CFAP91: variants seen among roughly 807,000 people sequenced by gnomAD.
The protein encoded by CFAP91 is cilia- and flagella-associated protein 91.
CFAP91 carries 85 observed loss-of-function variants against 95.9 expected under a neutral mutation model. The ratio of observed to expected loss-of-function variants is 0.89; its 90% CI spans 0.74 to 1.06. The LOEUF is 1.06. CFAP91 is among the 50% of genes least tolerant of loss of function. CFAP91 has a pLI of 0.00. For missense variants in CFAP91, 962 were observed against 943.4 expected, an observed-to-expected ratio of 1.02 and a Z score of -0.26; for synonymous variants, 335 against 327.5, an observed-to-expected ratio of 1.02 and a Z score of -0.25.
intron 8 of CFAP91, 92 bp downstream of exon 8, chr3:119,730,469 G>C: frequency 7.5e-7 from 1 of 1,341,086 alleles, no homozygotes; most frequent in South Asian, 1.4e-5. Flanking sequence ...ATATAATTCT[G>C]TTTTGGTCCT....
intron 17 of CFAP91, among the ~76,000 whole-genome samples, chr3:119,759,621 A>T (rs190459165): frequency 4.6e-5 from 7 of 152,134 alleles, no homozygotes; most frequent in Non-Finnish European, 1.0e-4. Context: ...GATGGTGTGT[A>T]AATCACTTTT....
chr3:119,761,094 T>G (rs1274147239), intron 17 of CFAP91, among the ~76,000 whole-genome samples: 1 of 151,764 alleles, frequency 6.6e-6, no homozygotes. Context: ...AAATTCGGTA[T>G]TTTGAAAAGA....
intron 9 of CFAP91, 148 bp from the exon 10 acceptor site, chr3:119,733,216 C>G: frequency 1.4e-6 from 1 of 695,440 alleles, no homozygotes; most frequent in Non-Finnish European, 2.3e-6. Context: ...TATTACATTT[C>G]AGGGACACTT....
rs1046711388 is a variant in CFAP91 at position 119,730,320 on chromosome 3, A to G, written c.961A>G (p.Lys321Glu). ...NMKHLNARWS[K>E]LQEGKEAKMA... is the part of the protein sequence containing the mutation. ...GAAGCACTTGAATGCCCGGTGGTCT[A>G]AACTGCAGGAGGGAAAAGAGGCAAA... The change falls in exon 8 of 18, where the codon AAA becomes GAA. Residue 321 changes from lysine (K) to glutamate (E), a missense_variant. Coordinates refer to ENST00000273390, the MANE Select transcript of CFAP91 (RefSeq NM_033364.4). 1 of 1,614,054 alleles carries G rather than the reference A, an allele frequency of 6.2e-7. No homozygotes were observed. Among genetic ancestry groups the G allele is most frequent in the Non-Finnish European group, 8.5e-7 (1 of 1,180,032 alleles).
At chr3:119,737,533 CT>C in intron 11 of CFAP91, 51 bp downstream of exon 11, 1 of 1,130,056 alleles carries the variant, frequency 8.8e-7, no homozygotes, top group Non-Finnish European at 1.3e-6. Flanking sequence ...TCATTGTCAG[CT>C]TATTCTTAGG....
intron 11 of CFAP91, 50 bp downstream of exon 11, chr3:119,737,532 G>A: frequency 8.8e-7 from 1 of 1,137,390 alleles, no homozygotes; most frequent in Admixed American, 2.0e-5. Flanking sequence ...ATCATTGTCA[G>A]CTTATTCTTA....
intron 17 of CFAP91, among the ~76,000 whole-genome samples, chr3:119,761,761 GA>G (rs891180873): frequency 7.4e-4 from 112 of 151,536 alleles, no homozygotes; most frequent in African/African-American, 2.6e-3. Flanking sequence ...AATAGATTCA[GA>G]AAAAAAATTT....
chr3:119,766,543 A>C lies in CFAP91; in HGVS notation c.*1493A>C, dbSNP rs1481587792. The C allele has an allele frequency of 6.6e-6, 1 of 152,204 alleles. No individual in the cohort carries two copies. The highest frequency in any genetic ancestry group is 1.5e-5 in the Non-Finnish European group (1 of 68,038). The allele number at this position is 152,204 out of a possible 1,614,324, so 9.4% of individuals were successfully genotyped here. The stretch of plus-strand genomic sequence containing the variant: ...AATAAACCATCGAGAACACAAAATG[A>C]CAAGTGAGTTAGGTTGGGCTGATGG... On this transcript the variant is annotated 3_prime_UTR_variant, in exon 18 of 18. Transcript: ENST00000273390.
In CFAP91 at chr3:119,715,251, G is replaced by A. The variant is rs992628556; in HGVS notation, c.501-311G>A. The stretch of plus-strand genomic sequence containing the variant: ...AGTAATGCTGAACAGGTTCAGAAGT[G>A]CTGTACAGCATTCTAGAATAGCTCT... On this transcript the variant is annotated intron_variant, in intron 5 of 17. Coordinates refer to ENST00000273390, the MANE Select transcript of CFAP91 (RefSeq NM_033364.4). 36 of 442,446 alleles carry A rather than the reference G, an allele frequency of 8.1e-5. No individual in the cohort carries two copies. In the Admixed American group the frequency reaches 1.2e-3, roughly 15 times the overall value. The allele number at this position is 442,446 out of a possible 1,614,324, so 27.4% of individuals were successfully genotyped here. A position where few individuals can be genotyped will look rare whatever the true frequency, so the allele number is the denominator to read the frequency against.
intron 8 of CFAP91, 99 bp from the exon 9 acceptor site, chr3:119,732,195 T>C: frequency 1.1e-6 from 1 of 918,430 alleles, no homozygotes. Context: ...TTCATTTCAA[T>C]AGCTTCTCTG....
rs191834453 is a variant in CFAP91, at chr3:119,749,609, C to T, written c.2144-1328C>T. 8.5e-5 allele frequency among the ~76,000 whole-genome samples: 13 copies of T among 152,250 alleles called. No individual in the cohort carries two copies. In the East Asian group the frequency reaches 1.4e-3, roughly 16 times the overall value. ...GGATTTGGAGGAAGACTTGAGCTAA[C>T]GGAATCCAGTGGAACTTATCTATGG... is the stretch of plus-strand genomic sequence containing the variant. On this transcript the variant is annotated intron_variant, in intron 16 of 17. Transcript: ENST00000273390.
chr3:119,713,802 A>G (rs1315318667), intron 5 of CFAP91, among the ~76,000 whole-genome samples: 1 of 152,200 alleles, frequency 6.6e-6, no homozygotes, highest in African/African-American at 2.4e-5. Context: ...CCTACTATAC[A>G]TACCATTTAA....
At chr3:119,709,641 C>G (rs1057209062) in intron 4 of CFAP91, among the ~76,000 whole-genome samples, 198 bp from the exon 5 acceptor site, 9 of 152,180 alleles carry the variant, frequency 5.9e-5, no homozygotes, top group Admixed American at 2.0e-4. Flanking sequence ...TCTCATGGGC[C>G]AGACCTGGGA....
intron 6 of CFAP91, among the ~76,000 whole-genome samples, chr3:119,716,315 C>T (rs1004325781): frequency 2.0e-5 from 3 of 152,172 alleles, no homozygotes; most frequent in Non-Finnish European, 2.9e-5. Flanking sequence ...AGTGAGACTA[C>T]CTTTAGAAAT....
intron 6 of CFAP91, among the ~76,000 whole-genome samples, chr3:119,717,780 C>T (rs1036497693): frequency 2.0e-5 from 3 of 152,114 alleles, no homozygotes; most frequent in East Asian, 1.9e-4. Flanking sequence ...CACATCCCTA[C>T]GAACAGCTGC....
chr3:119,706,351 T>A (rs547993438), intron 1 of CFAP91: 2 of 152,510 alleles, frequency 1.3e-5, no homozygotes, highest in Non-Finnish European at 2.9e-5. Flanking sequence ...TTCTGAGATA[T>A]CATGTGGTTT....
At chr3:119,706,113 G>T (rs1231089755) in intron 1 of CFAP91, 2 of 152,268 alleles carry the variant, frequency 1.3e-5, no homozygotes, top group Admixed American at 1.3e-4. Context: ...TCCAAAGGCT[G>T]CTTGTTAATT....
intron 17 of CFAP91, among the ~76,000 whole-genome samples, chr3:119,754,267 G>T (rs1302804475): frequency 6.6e-6 from 1 of 152,232 alleles, no homozygotes; most frequent in East Asian, 1.9e-4. Context: ...GAACTTGCAA[G>T]CAATGAAATT....
chr3:119,713,432 T>A (rs941073187), intron 5 of CFAP91, among the ~76,000 whole-genome samples: 5 of 148,252 alleles, frequency 3.4e-5, no homozygotes, highest in African/African-American at 9.9e-5. Flanking sequence ...TTTTTTTTTT[T>A]AAACATCTTT....
Sources: allele counts gnomAD v4.1 joint callset (sites outside exome capture counted in the v4.1 genomes callset), GRCh38; gene constraint gnomAD v4.1.1; transcripts MANE v1.5; gene names NCBI Gene and HGNC (gene_info 2026-07-23, HGNC 2026-07-21).